DPP10: variants seen among roughly 807,000 people sequenced by gnomAD.
DPP10 encodes dipeptidyl peptidase like 10, also known as inactive dipeptidyl peptidase 10.
In DPP10, 33 loss-of-function variants were observed where a neutral mutation model predicts 120.9. The ratio of observed to expected loss-of-function variants is 0.27; its 90% CI spans 0.21 to 0.37. The LOEUF is 0.37. DPP10 is among the 10% of genes least tolerant of loss of function. The probability of loss-of-function intolerance (pLI) is 1.00; values close to 1 mark genes in which losing one functional copy is unlikely to be tolerated. For missense variants in DPP10, 816 were observed against 942.8 expected (o/e 0.87, Z 1.76); for synonymous variants, 337 against 326.1 (o/e 1.03, Z -0.36).
chr2:115,447,372 T>A (rs1366321021), intron 3 of DPP10, among the ~76,000 whole-genome samples: 1 of 152,168 alleles, frequency 6.6e-6, no homozygotes, highest in South Asian at 2.1e-4. Flanking sequence ...GATTTCAGAC[T>A]TTTGGGTTAC....
chr2:115,406,418 C>T (rs975087219), intron 3 of DPP10, among the ~76,000 whole-genome samples: 3 of 151,918 alleles, frequency 2.0e-5, no homozygotes, highest in Non-Finnish European at 4.4e-5. Flanking sequence ...CTTAATGCTC[C>T]ACATACAGAA....
At chr2:115,482,443 A>G (rs546947889) in intron 3 of DPP10, among the ~76,000 whole-genome samples, 23 of 152,054 alleles carry the variant, frequency 1.5e-4, no homozygotes, top group Admixed American at 1.0e-3. Context: ...TGTTTTTAGT[A>G]TATTCATAGA....
chr2:115,537,881 C>T (rs1326712071), intron 5 of DPP10, among the ~76,000 whole-genome samples: 5 of 151,886 alleles, frequency 3.3e-5, no homozygotes, highest in African/African-American at 1.2e-4. Context: ...CAAAGTGGCT[C>T]ATTCACATGG....
chr2:115,144,987 G>A (rs1362184493), intron 1 of DPP10: 2 of 151,914 alleles, frequency 1.3e-5, no homozygotes, highest in Admixed American at 6.6e-5. Context: ...TTTGGGAAGG[G>A]CAGTCTGATT....
At chr2:115,376,420 A>C (rs956567987) in intron 3 of DPP10, among the ~76,000 whole-genome samples, 12 of 152,076 alleles carry the variant, frequency 7.9e-5, no homozygotes, top group African/African-American at 2.4e-4. Context: ...TTGTATTACC[A>C]AGTGGAGGGA....
chr2:115,239,046 C>A (rs2058137994), intron 1 of DPP10, among the ~76,000 whole-genome samples: 1 of 152,118 alleles, frequency 6.6e-6, no homozygotes. Flanking sequence ...TTATGTTTTT[C>A]TGCCTGCTTT....
At chr2:115,089,222 A>G (rs1433967201) in intron 1 of DPP10, among the ~76,000 whole-genome samples, 2 of 152,036 alleles carry the variant, frequency 1.3e-5, no homozygotes, top group African/African-American at 4.8e-5. Flanking sequence ...CATCGCATTG[A>G]TCATTTCTTT....
intron 5 of DPP10, among the ~76,000 whole-genome samples, chr2:115,636,205 C>G (rs1347179056): frequency 6.6e-6 from 1 of 151,058 alleles, no homozygotes; most frequent in Non-Finnish European, 1.5e-5. Flanking sequence ...AGACAGCTAC[C>G]CTGGGCTTCT....
chr2:114,705,061 T>C (rs1027655247), intron 1 of DPP10, among the ~76,000 whole-genome samples: 2 of 152,176 alleles, frequency 1.3e-5, no homozygotes, highest in Non-Finnish European at 1.5e-5. Flanking sequence ...ATGTAATTTA[T>C]GCTGTTTAAG....
intron 1 of DPP10, among the ~76,000 whole-genome samples, chr2:115,100,314 T>C (rs1339981195): frequency 6.6e-6 from 1 of 152,092 alleles, no homozygotes; most frequent in African/African-American, 2.4e-5. Context: ...CCATGCATGG[T>C]GGCACATGCC....
intron 5 of DPP10, among the ~76,000 whole-genome samples, chr2:115,626,431 A>G (rs1193583454): frequency 6.6e-6 from 1 of 152,104 alleles, no homozygotes; most frequent in East Asian, 1.9e-4. Flanking sequence ...AAAAAACTCC[A>G]TCTTAAATTC....
At chr2:115,061,222 T>G (rs1340344702) in intron 1 of DPP10, among the ~76,000 whole-genome samples, 1 of 152,226 alleles carries the variant, frequency 6.6e-6, no homozygotes, top group African/African-American at 2.4e-5. Flanking sequence ...ATTTATGCAC[T>G]TGTTTAAGAA....
chr2:114,663,670 G>GAGAGAGAA (rs1697660589), intron 1 of DPP10, among the ~76,000 whole-genome samples: 1 of 109,478 alleles, frequency 9.1e-6, no homozygotes. Context: ...TATATATATA[G>GAGAGAGAA]AGAGAGAGAG....
chr2:114,956,085 G>A (rs1319240919), intron 1 of DPP10, among the ~76,000 whole-genome samples: 1 of 152,072 alleles, frequency 6.6e-6, no homozygotes, highest in East Asian at 1.9e-4. Context: ...AGTACTGGAT[G>A]TCTTAGCTAG....
chr2:115,109,309 G>A (rs1295368682), intron 1 of DPP10, among the ~76,000 whole-genome samples: 1 of 152,040 alleles, frequency 6.6e-6, no homozygotes, highest in African/African-American at 2.4e-5. Flanking sequence ...AGGCCGAGGT[G>A]GGCAGATCAC....
intron 1 of DPP10, among the ~76,000 whole-genome samples, chr2:115,042,008 C>CTTTTTTTTTTTTTTTTTTT (rs5833573): frequency 7.5e-5 from 6 of 80,326 alleles, no homozygotes; most frequent in Non-Finnish European, 1.4e-4. Flanking sequence ...TCTATCTTAT[C>CTTTTTTTTTTTTTTTTTTT]TTTTTTTTTT....
At chr2:115,771,531 G>C (rs1227752194) in intron 13 of DPP10, among the ~76,000 whole-genome samples, 1 of 152,138 alleles carries the variant, frequency 6.6e-6, no homozygotes, top group Non-Finnish European at 1.5e-5. Context: ...CCCAGGCAGG[G>C]TATATCCATA....
intron 1 of DPP10, among the ~76,000 whole-genome samples, chr2:115,160,319 A>G (rs949841387): frequency 6.6e-6 from 1 of 152,340 alleles, no homozygotes; most frequent in African/African-American, 2.4e-5. Flanking sequence ...GATTACTGAT[A>G]TATTTATTTT....
chr2:115,532,152 A>G (rs7584395), intron 5 of DPP10, among the ~76,000 whole-genome samples: 81,042 of 151,884 alleles, frequency 0.53, 24,249 homozygotes, highest in Non-Finnish European at 0.69. Context: ...AAAAAATATT[A>G]TTTAAGAGGG....
Sources: allele counts gnomAD v4.1 joint callset (sites outside exome capture counted in the v4.1 genomes callset), GRCh38; gene constraint gnomAD v4.1.1; transcripts MANE v1.5; gene names NCBI Gene and HGNC (gene_info 2026-07-23, HGNC 2026-07-21).